ILDR1: variants seen among roughly 807,000 people sequenced by gnomAD.
ILDR1 encodes the protein immunoglobulin-like domain-containing receptor 1.
Under a neutral mutation model 62.4 loss-of-function variants are expected in ILDR1, and 56 were observed. That is an observed-to-expected ratio of 0.90 (90% confidence interval 0.72 to 1.12). ILDR1 has a LOEUF of 1.12. Ranked by LOEUF, ILDR1 falls within the 50% of genes most tolerant of loss-of-function variation. The pLI, the probability that ILDR1 is intolerant of heterozygous loss-of-function variation, is 0.00. For missense variants in ILDR1, 736 were observed against 710.6 expected, an observed-to-expected ratio of 1.04 and a Z score of -0.41; for synonymous variants, 284 against 277.8, an observed-to-expected ratio of 1.02 and a Z score of -0.22.
chr3:122,041,228 A>C, the ILDR1 span, among the ~76,000 whole-genome samples: 1 of 152,142 alleles, frequency 6.6e-6, no homozygotes, highest in Non-Finnish European at 1.5e-5. Context: ...ATGGGGCCTA[A>C]TGGGATAATT....
intron 4 of ILDR1, 29 bp from the exon 5 acceptor site, chr3:122,001,483 A>T: frequency 6.2e-7 from 1 of 1,613,140 alleles, no homozygotes; most frequent in African/African-American, 1.3e-5. Context: ...GCAGGGGTTG[A>T]ACTAAATATT....
At chr3:121,997,389 G>A (rs2071452325) in intron 5 of ILDR1, among the ~76,000 whole-genome samples, 1 of 152,154 alleles carries the variant, frequency 6.6e-6, no homozygotes, top group Admixed American at 6.6e-5. Flanking sequence ...TCCCAACCAG[G>A]CAATTGACCT....
chr3:122,021,901 G>T (rs2071861357), intron 1 of ILDR1, 119 bp downstream of exon 1: 2 of 925,648 alleles, frequency 2.2e-6, no homozygotes, highest in African/African-American at 1.7e-5. Context: ...CATGCCAAGC[G>T]CCACCAGAGC....
At chr3:122,009,335 A>C (rs1326329097) in intron 1 of ILDR1, among the ~76,000 whole-genome samples, 2 of 146,734 alleles carry the variant, frequency 1.4e-5, no homozygotes, top group East Asian at 1.9e-4. Context: ...ACACACACAC[A>C]CACACACACA....
intron 1 of ILDR1, among the ~76,000 whole-genome samples, chr3:122,011,805 T>C (rs184465837): frequency 4.6e-5 from 7 of 152,096 alleles, no homozygotes; most frequent in Non-Finnish European, 7.4e-5. Flanking sequence ...GTGATGTACA[T>C]TCTTGGTCTC....
chr3:122,021,893 T>C (rs2071861161), intron 1 of ILDR1, 127 bp downstream of exon 1: 1 of 855,950 alleles, frequency 1.2e-6, no homozygotes. Flanking sequence ...CTGGCGCCCA[T>C]GCCAAGCGCC....
At position 121,993,614 on chromosome 3, in the gene ILDR1, C is replaced by T. The variant is rs387907015; in HGVS notation, c.1135G>A (p.Glu379Lys). The T allele has an allele frequency of 1.2e-6, 2 of 1,614,078 alleles. No individual in the cohort carries two copies. The highest frequency in any genetic ancestry group is 1.3e-5 in the African/African-American group (1 of 74,930). ...SHHHYPDFHQELQDRGPKSWA... is the reference protein window; with the variant it reads ...SHHHYPDFHQKLQDRGPKSWA... ...GACTTTGGCCCCCGGTCCTGGAGCTCCTGGTGGAAATCAGGGTAATGGTGG... is the reference window on the plus strand; with the variant it reads ...GACTTTGGCCCCCGGTCCTGGAGCTTCTGGTGGAAATCAGGGTAATGGTGG... The change falls in exon 7 of 8, where the codon GAG becomes AAG. Residue 379 changes from glutamate to lysine, a missense_variant. Physicochemically the swap from Glu to Lys is moderately conservative, Grantham distance 56. Transcript: ENST00000344209.
the ILDR1 span, among the ~76,000 whole-genome samples, chr3:122,036,512 G>A: frequency 4.7e-4 from 71 of 151,500 alleles, no homozygotes; most frequent in Non-Finnish European, 6.5e-4. Context: ...TGGTGTCAAC[G>A]CGGGAGGTGG....
the ILDR1 span, among the ~76,000 whole-genome samples, chr3:122,028,285 G>A: frequency 3.6e-3 from 525 of 146,914 alleles, 2 homozygotes; most frequent in Non-Finnish European, 6.4e-3. Flanking sequence ...GCAGTGAGCC[G>A]CGATCGCACC....
intron 3 of ILDR1, among the ~76,000 whole-genome samples, chr3:122,004,435 T>C (rs2071573077): frequency 6.6e-6 from 1 of 152,218 alleles, no homozygotes; most frequent in South Asian, 2.1e-4. Flanking sequence ...AGCTAGGTAC[T>C]ATGGCAAGTC....
At chr3:122,045,456 C>A in the ILDR1 span, among the ~76,000 whole-genome samples, 1 of 152,126 alleles carries the variant, frequency 6.6e-6, no homozygotes, top group African/African-American at 2.4e-5. Context: ...GAGCTGAGTT[C>A]AATTCCTGGG....
chr3:121,998,765 G>C (rs562192493), intron 5 of ILDR1, among the ~76,000 whole-genome samples: 1 of 152,070 alleles, frequency 6.6e-6, no homozygotes, highest in Non-Finnish European at 1.5e-5. Context: ...TCCCTGAAAG[G>C]TAGGGGGCCC....
At chr3:122,048,014 A>C in the ILDR1 span, among the ~76,000 whole-genome samples, 1 of 152,372 alleles carries the variant, frequency 6.6e-6, no homozygotes, top group East Asian at 1.9e-4. Context: ...TGAAGTAGGC[A>C]GACTTACCTT....
upstream of ILDR1, among the ~76,000 whole-genome samples, chr3:122,024,514 T>G (rs937812583): frequency 4.6e-5 from 7 of 152,218 alleles, no homozygotes; most frequent in African/African-American, 1.7e-4. Context: ...ACATCTACCT[T>G]CATGGCTTCT....
At chr3:122,016,698 T>G (rs1305164648) in intron 1 of ILDR1, among the ~76,000 whole-genome samples, 1 of 152,218 alleles carries the variant, frequency 6.6e-6, no homozygotes, top group Non-Finnish European at 1.5e-5. Context: ...TCATAAGCTA[T>G]AGGGATCTAA....
chr3:122,014,436 T>C (rs1473986047), intron 1 of ILDR1, among the ~76,000 whole-genome samples: 2 of 152,134 alleles, frequency 1.3e-5, no homozygotes, highest in Non-Finnish European at 2.9e-5. Context: ...AGATCTATTT[T>C]TTTTTAGTAA....
chr3:122,057,633 G>T, the ILDR1 span, among the ~76,000 whole-genome samples: 3,833 of 152,114 alleles, frequency 0.025, 79 homozygotes, highest in Middle Eastern at 0.037. Flanking sequence ...ACAATAGCTG[G>T]TTTTTTTCAG....
chr3:122,038,096 T>G, the ILDR1 span, among the ~76,000 whole-genome samples: 8 of 152,304 alleles, frequency 5.3e-5, no homozygotes, highest in Non-Finnish European at 8.8e-5. Flanking sequence ...TTAAACCTCT[T>G]TTCTTCAAAA....
At chr3:122,006,732 G>A (rs1225998856) in intron 2 of ILDR1, among the ~76,000 whole-genome samples, 1 of 152,092 alleles carries the variant, frequency 6.6e-6, no homozygotes, top group Non-Finnish European at 1.5e-5. Context: ...TTTCCCTAAT[G>A]TTTAAGTTTC....
Sources: gnomAD v4.1 joint callset for allele counts (sites outside exome capture counted in the v4.1 genomes callset) on GRCh38, gnomAD v4.1.1 for gene constraint, MANE v1.5 for transcripts, NCBI Gene and HGNC (gene_info 2026-07-23, HGNC 2026-07-21) for gene names.